The following NUCKS1 variants were observed in gnomAD, a reference collection of about 807,000 sequenced individuals.
NUCKS1 encodes nuclear casein kinase and cyclin dependent kinase substrate 1.
In NUCKS1, 2 loss-of-function variants were observed where a neutral mutation model predicts 33.0. That is an observed-to-expected ratio of 0.06 (90% CI 0.02 to 0.19). NUCKS1 has a LOEUF of 0.19. Among genes scored for constraint, NUCKS1 ranks in the 10% least tolerant of loss-of-function variants. The pLI is 1.00. For synonymous variants in NUCKS1, 106 were observed against 102.8 expected (o/e 1.03, Z -0.19); for missense variants, 201 against 293.6 (o/e 0.68, Z 2.31).
chr1:205,739,329 A>G (rs1228177347), intron 1 of NUCKS1, among the ~76,000 whole-genome samples: 1 of 152,224 alleles, frequency 6.6e-6, no homozygotes, highest in African/African-American at 2.4e-5. Context: ...GCTGCACACC[A>G]AGTACTGCTG....
At chr1:205,741,735 T>G (rs1158212019) in intron 1 of NUCKS1, among the ~76,000 whole-genome samples, 1 of 152,140 alleles carries the variant, frequency 6.6e-6, no homozygotes, top group Non-Finnish European at 1.5e-5. Context: ...AGCACAGAAC[T>G]GTGTTAAAGG....
At chr1:205,728,661 T>C (rs1402348192) in intron 2 of NUCKS1, among the ~76,000 whole-genome samples, 3 of 152,076 alleles carry the variant, frequency 2.0e-5, no homozygotes, top group Non-Finnish European at 2.9e-5. Context: ...AGGGCACATA[T>C]TATCTTTATA....
chr1:205,732,549 A>G (rs1653940326), intron 1 of NUCKS1, among the ~76,000 whole-genome samples: 1 of 152,130 alleles, frequency 6.6e-6, no homozygotes, highest in Non-Finnish European at 1.5e-5. Flanking sequence ...TTGGGAGGCC[A>G]AGGTGGGCGG....
intron 3 of NUCKS1, among the ~76,000 whole-genome samples, chr1:205,724,696 C>A (rs1479853844): frequency 6.6e-6 from 1 of 150,724 alleles, no homozygotes; most frequent in African/African-American, 2.4e-5. Flanking sequence ...TCCATCCCCA[C>A]CCCCCCCAAA....
intron 2 of NUCKS1, among the ~76,000 whole-genome samples, chr1:205,728,777 G>C (rs1653836963): frequency 6.6e-6 from 1 of 152,142 alleles, no homozygotes; most frequent in Admixed American, 6.5e-5. Context: ...CTAAGACTTA[G>C]CTATACAACA....
chr1:205,723,403 T>C (rs1671954004), intron 4 of NUCKS1, among the ~76,000 whole-genome samples: 1 of 152,174 alleles, frequency 6.6e-6, no homozygotes, highest in African/African-American at 2.4e-5. Flanking sequence ...TCCCCATTAA[T>C]TCATATTAAT....
In NUCKS1 at chr1:205,718,104, AGAG is replaced by A. The variant is rs1224556983; in HGVS notation, c.*173_*175del. On this transcript the variant is annotated 3_prime_UTR_variant, in exon 7 of 7. Coordinates refer to ENST00000367142, the MANE Select transcript of NUCKS1 (RefSeq NM_022731.5). ...TTGCTTTAAAAAAAAAAAAAAAAAAAGAGAGAGAGAGAGAAATGTTACTTTCAA... is the reference window on the plus strand; with the variant it reads ...TTGCTTTAAAAAAAAAAAAAAAAAAAAGAGAGAGAGAAATGTTACTTTCAA... The A allele has an allele frequency of 2.2e-4, 248 of 1,123,262 alleles. No homozygotes were observed. Among genetic ancestry groups the A allele is most frequent in the Middle Eastern group, 3.6e-4 (1 of 2,794 alleles). 69.6% of individuals were successfully genotyped at this position (1,123,262 alleles called of 1,614,324 possible).
In NUCKS1 at chr1:205,718,385, ATCT is replaced by A. The variant is rs780762595; in HGVS notation, c.624_626del (p.Glu208del). The A allele has an allele frequency of 8.7e-6, 14 of 1,613,296 alleles. No homozygotes were observed. In the East Asian group the frequency reaches 8.9e-5, roughly 10 times the overall value. On this transcript the variant is annotated inframe_deletion, in exon 7 of 7. Transcript: ENST00000367142. Reference sequence around the variant, plus strand: ...TTTCTGGCGGGCTTTCCGGTTCCTCATCTTCTTCTTTGGGAGAAGGAGTCTTTT... The same window carrying A: ...TTTCTGGCGGGCTTTCCGGTTCCTCATCTTCTTTGGGAGAAGGAGTCTTTT...
At position 205,737,485 on chromosome 1, in the gene NUCKS1, G is replaced by A. The variant is rs554531345; in HGVS notation, c.18-7864C>T. On this transcript the variant is annotated intron_variant, in intron 1 of 6. Coordinates refer to ENST00000367142, the MANE Select transcript of NUCKS1 (RefSeq NM_022731.5). ...GCAACAGTGCAAACAGTCTTCCAGGGTAACAATCTATTTATTTGTCAGCCC... is the reference window on the plus strand; with the variant it reads ...GCAACAGTGCAAACAGTCTTCCAGGATAACAATCTATTTATTTGTCAGCCC... Among the ~76,000 whole-genome samples the A allele has an allele frequency of 4.6e-5, 7 of 152,280 alleles. No individual in the cohort carries two copies. The South Asian group carries it at 1.2e-3, about 27-fold the overall frequency.
rs746563570 is a variant in NUCKS1, at chr1:205,727,742, G to A, written c.131C>T (p.Ala44Val). The change falls in exon 3 of 7, where the codon GCT becomes GTT. Residue 44 changes from alanine to valine, a missense_variant. Coordinates refer to ENST00000367142, the MANE Select transcript of NUCKS1 (RefSeq NM_022731.5). ...CTTTCCAGATCGCCTCTTATTTTTA[G>A]CTTCTCGGGGAGATGATCGAATTTT... ...TKKIRSSPRE[A>V]KNKRRSGKNS... 4 of 1,613,600 alleles carry A rather than the reference G, an allele frequency of 2.5e-6. No homozygotes were observed. The highest frequency in any genetic ancestry group is 3.4e-6 in the Non-Finnish European group (4 of 1,179,782).
intron 5 of NUCKS1, 111 bp from the exon 6 acceptor site, chr1:205,719,787 CCTTGGATTCTAT>C (rs1285034220): frequency 4.3e-6 from 5 of 1,153,068 alleles, no homozygotes; most frequent in Non-Finnish European, 6.0e-6. Flanking sequence ...AGTCAAACAC[CCTTGGATTCTAT>C]TTGGAGCTGT....
chr1:205,734,246 C>T (rs1268644024), intron 1 of NUCKS1, among the ~76,000 whole-genome samples: 2 of 152,102 alleles, frequency 1.3e-5, no homozygotes, highest in Non-Finnish European at 2.9e-5. Flanking sequence ...ATTTTTCTAT[C>T]CTACTTTTCA....
At chr1:205,747,473 G>A (rs1654360347) in intron 1 of NUCKS1, among the ~76,000 whole-genome samples, 1 of 152,188 alleles carries the variant, frequency 6.6e-6, no homozygotes. Context: ...AAACCATGCA[G>A]TAGCCAATAG....
chr1:205,750,155 C>A lies in NUCKS1; in HGVS notation c.-182G>T, dbSNP rs2102454713. The A allele has an allele frequency of 4.6e-6, 3 of 645,502 alleles. No individual in the cohort carries two copies. The highest frequency in any genetic ancestry group is 8.2e-6 in the Non-Finnish European group (3 of 366,458). 40.0% of individuals were successfully genotyped at this position (645,502 alleles called of 1,614,324 possible). ...CAGGGCTCCTGGAACAGACGAGCCC[C>A]CCGCTCCCCCGTCTCTTCAAAATGG... On this transcript the variant is annotated 5_prime_UTR_variant, in exon 1 of 7. Coordinates refer to ENST00000367142, the MANE Select transcript of NUCKS1 (RefSeq NM_022731.5).
In NUCKS1 at chr1:205,719,522, A is replaced by G. The variant is rs773620933; in HGVS notation, c.532+5T>C. ...TAAATTTAATTTCACTTCTGCAGAAATTACCTGTAGCCTTTAGTCTGGGTT... is the reference window on the plus strand; with the variant it reads ...TAAATTTAATTTCACTTCTGCAGAAGTTACCTGTAGCCTTTAGTCTGGGTT... On this transcript the variant is annotated splice_donor_5th_base_variant and intron_variant, in intron 6 of 6. Coordinates refer to ENST00000367142, the MANE Select transcript of NUCKS1 (RefSeq NM_022731.5). 1.3e-6 allele frequency: 2 copies of G among 1,582,730 alleles called. No homozygotes were observed. Among genetic ancestry groups the G allele is most frequent in the Admixed American group, 3.9e-5 (2 of 51,040 alleles).
chr1:205,744,654 C>T (rs1654270818), intron 1 of NUCKS1, among the ~76,000 whole-genome samples: 2 of 1,270 alleles, frequency 1.6e-3, no homozygotes, highest in East Asian at 0.014. Context: ...TTTTTTGAGA[C>T]GGAGTTTCGC....
At position 205,715,921 on chromosome 1, in the gene NUCKS1, A is replaced by G. The variant is rs1050689409; in HGVS notation, c.*2359T>C. The G allele has an allele frequency of 5.3e-5, 8 of 152,176 alleles. No homozygotes were observed. The highest frequency in any genetic ancestry group is 1.9e-4 in the African/African-American group (8 of 41,444). The allele number at this position is 152,176 out of a possible 1,614,324, so 9.4% of individuals were successfully genotyped here. A position where few individuals can be genotyped will look rare whatever the true frequency, so the allele number is the denominator to read the frequency against. ...GTTGAGTCACCACCACTGTCCTCCTATTTGCATGCATGATTTGAGGGGAAG... is the reference window on the plus strand; with the variant it reads ...GTTGAGTCACCACCACTGTCCTCCTGTTTGCATGCATGATTTGAGGGGAAG... On this transcript the variant is annotated 3_prime_UTR_variant, in exon 7 of 7. Transcript: ENST00000367142.
intron 1 of NUCKS1, among the ~76,000 whole-genome samples, chr1:205,746,385 G>T (rs900801219): frequency 6.6e-6 from 1 of 151,080 alleles, no homozygotes; most frequent in Non-Finnish European, 1.5e-5. Context: ...CTTTTTAGAG[G>T]AAACTGACAG....
At chr1:205,727,673 C>A in intron 3 of NUCKS1, 27 bp downstream of exon 3, 1 of 1,434,816 alleles carries the variant, frequency 7.0e-7, no homozygotes, top group East Asian at 2.3e-5. Context: ...ACAGTGTAAG[C>A]AGGAACAGAA....
Sources: gnomAD v4.1 joint callset for allele counts (sites outside exome capture counted in the v4.1 genomes callset) on GRCh38, gnomAD v4.1.1 for gene constraint, MANE v1.5 for transcripts, NCBI Gene and HGNC (gene_info 2026-07-23, HGNC 2026-07-21) for gene names.